The following ATAD3C variants were observed in gnomAD, a reference collection of about 807,000 sequenced individuals.
The protein encoded by ATAD3C is ATPase family AAA domain containing 3C, also known as ATPase family AAA domain-containing protein 3C.
A neutral mutation model predicts 46.3 loss-of-function variants in ATAD3C; 38 were observed. That is an observed-to-expected ratio of 0.82 (90% CI 0.63 to 1.08). The LOEUF is 1.08. Ranked by LOEUF, ATAD3C falls within the 50% of genes least tolerant of loss-of-function variation. The pLI, the probability that ATAD3C is intolerant of heterozygous loss-of-function variation, is 0.00. For synonymous variants in ATAD3C, 220 were observed against 236.4 expected (o/e 0.93, Z 0.63); for missense variants, 563 against 572.7 (o/e 0.98, Z 0.17).
rs1160805130 is a variant in ATAD3C at position 1,459,710 on chromosome 1, C to A, written c.812+479C>A. Among the ~76,000 whole-genome samples, 2 of 151,926 alleles carry A rather than the reference C, an allele frequency of 1.3e-5. No individual in the cohort carries two copies. Among genetic ancestry groups the A allele is most frequent in the African/African-American group, 2.4e-5 (1 of 41,338 alleles). On this transcript the variant is annotated intron_variant, in intron 9 of 11. Coordinates refer to ENST00000378785, the MANE Select transcript of ATAD3C (RefSeq NM_001039211.3). This position sits in a 1 kb window ranked among gnomAD's most constrained non-coding sequence, Gnocchi z 4.9. ...CGCCCGGATGCTGGCCAAGGGTGCA[C>A]CCTCCAGGCTTGGGGCCCACCCGAC...
chr1:1,461,021 G>A, intron 10 of ATAD3C, 104 bp downstream of exon 10: 1 of 1,369,748 alleles, frequency 7.3e-7, no homozygotes, highest in East Asian at 2.7e-5. Context: ...TCCAGGATGG[G>A]CACCACCTCC....
At chr1:1,458,670 G>T (rs1243411923) in intron 8 of ATAD3C, among the ~76,000 whole-genome samples, 1 of 151,164 alleles carries the variant, frequency 6.6e-6, no homozygotes, top group Non-Finnish European at 1.5e-5. Flanking sequence ...AGATGCTCTT[G>T]CCTTGACCTT....
chr1:1,466,574 G>GT (rs1335642230), intron 11 of ATAD3C, among the ~76,000 whole-genome samples: 1 of 149,332 alleles, frequency 6.7e-6, no homozygotes, highest in East Asian at 2.0e-4. Context: ...TTGGCCAAAT[G>GT]TTTTTCCTGC....
chr1:1,451,951 G>T, intron 1 of ATAD3C, 95 bp from the exon 2 acceptor site: 2 of 1,535,994 alleles, frequency 1.3e-6, no homozygotes, highest in Non-Finnish European at 1.8e-6. Flanking sequence ...GACGCTTGGA[G>T]CCCTGCGGTC....
At chr1:1,460,710 C>T (rs753854426) in intron 9 of ATAD3C, 40 bp from the exon 10 acceptor site, 19 of 1,557,212 alleles carry the variant, frequency 1.2e-5, no homozygotes, top group South Asian at 2.5e-5. Flanking sequence ...ACAGCTCGGC[C>T]GGCAGCCCCA....
chr1:1,465,328 ATG>A (rs1639128307), intron 11 of ATAD3C, among the ~76,000 whole-genome samples: 1 of 151,516 alleles, frequency 6.6e-6, no homozygotes, highest in African/African-American at 2.4e-5. Flanking sequence ...GCGGTGGCTC[ATG>A]CCTTTAATCC....
chr1:1,465,677 C>T (rs538452337), intron 11 of ATAD3C, among the ~76,000 whole-genome samples: 2 of 148,422 alleles, frequency 1.3e-5, no homozygotes, highest in East Asian at 2.0e-4. Flanking sequence ...TATCCTGTAA[C>T]TTTGCTGATG....
Position 1,468,780 on chromosome 1 carries a change from G to C in ATAD3C, c.*250G>C. ...CACAGAGGGGTGGGCTTCACAGGAG[G>C]TGGCTGCCACGGCGGGGCCGGGTGC... On this transcript the variant is annotated 3_prime_UTR_variant, in exon 12 of 12. Coordinates refer to ENST00000378785, the MANE Select transcript of ATAD3C (RefSeq NM_001039211.3). 1.4e-6 allele frequency: 1 copy of C among 697,554 alleles called. No homozygotes were observed. The highest frequency in any genetic ancestry group is 2.0e-5 in the South Asian group (1 of 48,826). 43.2% of individuals were successfully genotyped at this position (697,554 alleles called of 1,614,324 possible). A position where few individuals can be genotyped will look rare whatever the true frequency, so the allele number is the denominator to read the frequency against.
rs70949592 is a variant in ATAD3C, at chr1:1,469,099, TAAAAAAAAAAAAAAAAAA to T, written c.*589_*606del. 8 of 18,868 alleles carry T rather than the reference TAAAAAAAAAAAAAAAAAA, an allele frequency of 4.2e-4. 1 individual carries two copies. In the South Asian group the frequency reaches 4.3e-3, roughly 10 times the overall value. 1.2% of individuals were successfully genotyped at this position (18,868 alleles called of 1,614,324 possible). ...CAACATGGTGAAACTCCATCTCTCC[TAAAAAAAAAAAAAAAAAA>T]AAAAAAAAAAAAAAAAAAATTAGCC... On this transcript the variant is annotated 3_prime_UTR_variant, in exon 12 of 12. Transcript: ENST00000378785.
Position 1,460,756 on chromosome 1 carries a change from G to C in ATAD3C, c.819G>C (p.Met273Ile). The C allele has an allele frequency of 6.2e-7, 1 of 1,606,256 alleles. No homozygotes were observed. Among genetic ancestry groups the C allele is most frequent in the Non-Finnish European group, 8.5e-7 (1 of 1,176,026 alleles). ...YRTGQHSNKF[M>I]LILASCHPEQ... ...CCCCATCCCCGCCCCGCAGATTCAT[G>C]CTGATCCTGGCCAGCTGCCACCCCG... The change falls in exon 10 of 12, where the codon ATG (methionine) becomes ATC (isoleucine). Residue 273 changes from methionine (M) to isoleucine (I), a missense_variant. Around this residue, in one of 3 missense-constraint regions of ATAD3C, gnomAD observed 273 missense variants for 253.5 expected, o/e 1.08. Transcript: ENST00000378785.
chr1:1,452,808 A>G (rs1180065889), intron 3 of ATAD3C, among the ~76,000 whole-genome samples: 8 of 129,080 alleles, frequency 6.2e-5, no homozygotes, highest in Non-Finnish European at 4.6e-5. Flanking sequence ...AAAAAAAAAA[A>G]AAAGAAAGAA....
At chr1:1,461,513 G>A (rs1382157640) in intron 10 of ATAD3C, among the ~76,000 whole-genome samples, 7 of 150,778 alleles carry the variant, frequency 4.6e-5, no homozygotes, top group East Asian at 3.9e-4. Flanking sequence ...TTCACTACGC[G>A]GAGAGCTGTG....
At chr1:1,457,755 T>C (rs1339952169) in intron 8 of ATAD3C, among the ~76,000 whole-genome samples, 1 of 151,670 alleles carries the variant, frequency 6.6e-6, no homozygotes, top group African/African-American at 2.4e-5. Flanking sequence ...CTCGGCTCAC[T>C]GCAACCTCCG....
At chr1:1,458,736 T>TTTC (rs1639008607) in intron 8 of ATAD3C, among the ~76,000 whole-genome samples, 1 of 151,418 alleles carries the variant, frequency 6.6e-6, no homozygotes, top group African/African-American at 2.4e-5. Context: ...GTTTGTTTTT[T>TTTC]TTTTTTGAGA....
chr1:1,469,451 C>T lies in ATAD3C; in HGVS notation c.*921C>T, dbSNP rs1382805152. The T allele has an allele frequency of 8.7e-6, 1 of 115,176 alleles. No homozygotes were observed. The highest frequency in any genetic ancestry group is 1.7e-5 in the Non-Finnish European group (1 of 60,354). 7.1% of individuals were successfully genotyped at this position (115,176 alleles called of 1,614,324 possible). Reference sequence around the variant, plus strand: ...TGGATGATAGAGTGAGACTGTACCTCTAAATAACCAAAACCTTGATTACAG... The same window carrying T: ...TGGATGATAGAGTGAGACTGTACCTTTAAATAACCAAAACCTTGATTACAG... On this transcript the variant is annotated 3_prime_UTR_variant, in exon 12 of 12. Coordinates refer to ENST00000378785, the MANE Select transcript of ATAD3C (RefSeq NM_001039211.3).
rs1271683210 is a variant in ATAD3C, at chr1:1,450,682, C to T, written c.-2C>T. ...CCCTCCGTGTCCCTGCATCTGCAGGCCATGTCAAAGGACGCCCTGAATCTG... is the reference window on the plus strand; with the variant it reads ...CCCTCCGTGTCCCTGCATCTGCAGGTCATGTCAAAGGACGCCCTGAATCTG... On this transcript the variant is annotated 5_prime_UTR_variant, in exon 1 of 12. Transcript: ENST00000378785. 15 of 1,611,888 alleles carry T rather than the reference C, an allele frequency of 9.3e-6. 1 individual carries two copies. Among genetic ancestry groups the T allele is most frequent in the East Asian group, 2.2e-5 (1 of 44,852 alleles).
chr1:1,462,563 C>T lies in ATAD3C; in HGVS notation c.981-37C>T, dbSNP rs1357379181. 2 of 1,546,222 alleles carry T rather than the reference C, an allele frequency of 1.3e-6. No individual in the cohort carries two copies. ...CCTCCACCTCGTGGTGTGGGAGCTGCTGCCTTGGCCGGCCCACTTGGGAAC... is the reference window on the plus strand; with the variant it reads ...CCTCCACCTCGTGGTGTGGGAGCTGTTGCCTTGGCCGGCCCACTTGGGAAC... On this transcript the variant is annotated intron_variant, in intron 10 of 11. Transcript: ENST00000378785. The surrounding 1 kb of genome is among the most constrained non-coding windows in gnomAD (Gnocchi z 4.5).
At chr1:1,467,256 G>C in intron 11 of ATAD3C, among the ~76,000 whole-genome samples, 1 of 152,054 alleles carries the variant, frequency 6.6e-6, no homozygotes, top group East Asian at 1.9e-4. Context: ...CTGGGCCCTG[G>C]GTGAGGTGCA....
intron 11 of ATAD3C, among the ~76,000 whole-genome samples, chr1:1,467,126 C>T (rs1639156785): frequency 6.6e-6 from 1 of 152,020 alleles, no homozygotes; most frequent in Admixed American, 6.6e-5. Flanking sequence ...CAGGTTTTGC[C>T]CCAGAATCCC....
Sources: allele counts gnomAD v4.1 joint callset (sites outside exome capture counted in the v4.1 genomes callset), GRCh38; gene constraint gnomAD v4.1.1; regional missense constraint gnomAD v4.1.1; non-coding constraint Gnocchi (gnomAD v3.1); transcripts MANE v1.5; gene names NCBI Gene and HGNC (gene_info 2026-07-23, HGNC 2026-07-21).